Variants in CREM observed in about 807,000 individuals in gnomAD.
CREM encodes the protein cAMP-responsive element modulator.
A neutral mutation model predicts 37.3 loss-of-function variants in CREM; 13 were observed. The observed-to-expected ratio is 0.35, with a 90% CI of 0.23 to 0.55. The LOEUF (loss-of-function observed/expected upper bound fraction) is 0.55. CREM is among the 20% of genes least tolerant of loss of function. CREM has a pLI of 0.88. For missense variants in CREM, 296 were observed against 362.3 expected (o/e 0.82, Z 1.49); for synonymous variants, 124 against 120.2 (o/e 1.03, Z -0.21).
chr10:35,185,419 T>G (rs1290460698), intron 5 of CREM, among the ~76,000 whole-genome samples: 1 of 152,182 alleles, frequency 6.6e-6, no homozygotes, highest in Non-Finnish European at 1.5e-5. Context: ...TTTGTACTTC[T>G]AATACACTGT....
chr10:35,163,978 A>G (rs1464151313), intron 3 of CREM, among the ~76,000 whole-genome samples: 2 of 152,038 alleles, frequency 1.3e-5, no homozygotes, highest in Non-Finnish European at 2.9e-5. Context: ...CTATCTCAAA[A>G]AAAAAAAAAC....
Position 35,179,075 on chromosome 10 carries a change from T to C in CREM, c.267-59T>C. On this transcript the variant is annotated intron_variant, in intron 4 of 7. Transcript: ENST00000685392. ...CAAATCAATTCTTCCTTTATAGCTTTTCTGTTTTAAGACTTATTCATGTAT... is the reference window on the plus strand; with the variant it reads ...CAAATCAATTCTTCCTTTATAGCTTCTCTGTTTTAAGACTTATTCATGTAT... The C allele has an allele frequency of 2.6e-6, 4 of 1,544,272 alleles. No homozygotes were observed. In the Admixed American group the frequency reaches 5.7e-5, roughly 22 times the overall value.
chr10:35,167,100 C>T (rs1012551063), intron 3 of CREM, among the ~76,000 whole-genome samples: 2 of 152,160 alleles, frequency 1.3e-5, no homozygotes, highest in African/African-American at 4.8e-5. Context: ...GAGATCGCAC[C>T]ACTGCACTCC....
At chr10:35,133,753 G>A (rs752493889) in intron 1 of CREM, among the ~76,000 whole-genome samples, 3 of 152,208 alleles carry the variant, frequency 2.0e-5, no homozygotes, top group Non-Finnish European at 4.4e-5. Flanking sequence ...TTACAAAATT[G>A]CAACAAGTGT....
rs1404814855 is a variant in CREM, at chr10:35,206,883, G to T, written c.599-12G>T. On this transcript the variant is annotated splice_polypyrimidine_tract_variant and intron_variant, in intron 6 of 7. Transcript: ENST00000685392. ...TCTTTATATAAGCTCAAAATATTTT[G>T]TTTTACTGCAGCTGCCACTGGTGAC... is the stretch of plus-strand genomic sequence containing the variant. 1.9e-5 allele frequency: 31 copies of T among 1,612,606 alleles called. No homozygotes were observed. The highest frequency in any genetic ancestry group is 2.5e-5 in the Non-Finnish European group (30 of 1,179,550).
chr10:35,176,041 A>G, intron 3 of CREM: 1 of 1,523,242 alleles, frequency 6.6e-7, no homozygotes, highest in Admixed American at 2.3e-5. Context: ...GACTTTCTTG[A>G]GCCATTTTTT....
intron 5 of CREM, among the ~76,000 whole-genome samples, chr10:35,179,998 C>T (rs1002313683): frequency 3.3e-5 from 5 of 152,142 alleles, no homozygotes; most frequent in African/African-American, 1.2e-4. Flanking sequence ...TATCACATAT[C>T]CTAAGCTAGC....
intron 6 of CREM, among the ~76,000 whole-genome samples, chr10:35,202,232 A>G (rs2095404847): frequency 6.6e-6 from 1 of 152,198 alleles, no homozygotes; most frequent in African/African-American, 2.4e-5. Flanking sequence ...GAATACAGGA[A>G]TAGCAGTGTG....
intron 6 of CREM, among the ~76,000 whole-genome samples, chr10:35,192,041 A>T (rs1000766686): frequency 6.6e-6 from 1 of 151,774 alleles, no homozygotes; most frequent in Non-Finnish European, 1.5e-5. Context: ...TGCTTCTGCC[A>T]CTCCACAGCC....
intron 1 of CREM, among the ~76,000 whole-genome samples, chr10:35,128,689 C>T (rs915114927): frequency 6.6e-6 from 1 of 152,020 alleles, no homozygotes; most frequent in Non-Finnish European, 1.5e-5. Context: ...CCACGCCTGG[C>T]TAATTTTTTG....
intron 1 of CREM, among the ~76,000 whole-genome samples, chr10:35,127,870 C>T (rs1467994163): frequency 2.0e-5 from 3 of 151,024 alleles, no homozygotes; most frequent in Non-Finnish European, 3.0e-5. Context: ...TTTTTTGAGA[C>T]GGAGTCTTGC....
chr10:35,127,115 G>A lies in CREM; in HGVS notation c.-133G>A, dbSNP rs1463809219. ...CTGGGCGGCGGCGCCGCTGCTGAGC[G>A]GCGGTCGGGCTCGCCGTCTCCACCT... On this transcript the variant is annotated 5_prime_UTR_variant, in exon 1 of 8. Transcript: ENST00000685392. The A allele has an allele frequency of 6.5e-6, 1 of 152,836 alleles. No individual in the cohort carries two copies. Among genetic ancestry groups the A allele is most frequent in the African/African-American group, 2.4e-5 (1 of 41,464 alleles). 9.5% of individuals were successfully genotyped at this position (152,836 alleles called of 1,614,324 possible). A position where few individuals can be genotyped will look rare whatever the true frequency, so the allele number is the denominator to read the frequency against.
chr10:35,199,121 C>T (rs1361438742), intron 6 of CREM, among the ~76,000 whole-genome samples: 2 of 152,244 alleles, frequency 1.3e-5, no homozygotes, highest in Non-Finnish European at 2.9e-5. Context: ...TGCACTCCAG[C>T]CTGGGTGACA....
intron 1 of CREM, among the ~76,000 whole-genome samples, chr10:35,134,654 A>G (rs1190131932): frequency 1.3e-5 from 2 of 152,182 alleles, no homozygotes; most frequent in Admixed American, 1.3e-4. Context: ...TTCAGATTTC[A>G]CCATTTGTTC....
At chr10:35,140,723 CT>C (rs999891384) in intron 2 of CREM, among the ~76,000 whole-genome samples, 2 of 152,162 alleles carry the variant, frequency 1.3e-5, no homozygotes, top group African/African-American at 2.4e-5. Flanking sequence ...TAGAATAGGC[CT>C]TTGAAAGTTG....
chr10:35,196,057 T>C, intron 6 of CREM: 1 of 1,614,102 alleles, frequency 6.2e-7, no homozygotes, highest in African/African-American at 1.3e-5. Context: ...CATGAAACTG[T>C]AATGCATGAA....
intron 2 of CREM, among the ~76,000 whole-genome samples, chr10:35,138,834 G>A (rs540108453): frequency 1.1e-3 from 170 of 150,212 alleles, no homozygotes; most frequent in Non-Finnish European, 2.1e-3. Flanking sequence ...ACCAGCCTGG[G>A]GAAAAAAAAA....
chr10:35,209,216 A>T, intron 7 of CREM: 1 of 691,476 alleles, frequency 1.4e-6, no homozygotes, highest in Non-Finnish European at 1.8e-6. Context: ...TAGATCTCTT[A>T]CATATTTTCT....
rs961956048 is a variant in CREM at position 35,174,862 on chromosome 10, G to A, written c.169-4027G>A. Among the ~76,000 whole-genome samples, 4 of 152,186 alleles carry A rather than the reference G, an allele frequency of 2.6e-5. No homozygotes were observed. In the East Asian group the frequency reaches 7.7e-4, roughly 29 times the overall value. On this transcript the variant is annotated intron_variant, in intron 3 of 7. Transcript: ENST00000685392. ...TTGAAGGAACTCAGGGAAGTAGTGA[G>A]GAGATGGCTGTTGTGCTGATCTCTG...
Sources: allele counts gnomAD v4.1 joint callset (sites outside exome capture counted in the v4.1 genomes callset), GRCh38; gene constraint gnomAD v4.1.1; transcripts MANE v1.5; gene names NCBI Gene and HGNC (gene_info 2026-07-23, HGNC 2026-07-21).